SHANK2: variants seen among roughly 807,000 people sequenced by gnomAD.
The protein encoded by SHANK2 is SH3 and multiple ankyrin repeat domains protein 2.
In SHANK2, 43 loss-of-function variants were observed where a neutral mutation model predicts 133.7. The ratio of observed to expected loss-of-function variants is 0.32; its 90% CI spans 0.25 to 0.41. The LOEUF (loss-of-function observed/expected upper bound fraction) is 0.41, where lower values mean the gene tolerates loss of function less well. Ranked by LOEUF, SHANK2 falls within the 10% of genes least tolerant of loss-of-function variation. The pLI, the probability that SHANK2 is intolerant of heterozygous loss-of-function variation, is 1.00. For missense variants in SHANK2, 1,994 were observed against 2,235.8 expected, an observed-to-expected ratio of 0.89 and a Z score of 2.18; for synonymous variants, 1,017 against 952.8, an observed-to-expected ratio of 1.07 and a Z score of -1.24.
In SHANK2 at chr11:70,526,378, C is replaced by T. The variant is rs146283204; in HGVS notation, c.2062-23447G>A. Among the ~76,000 whole-genome samples, 9 of 152,358 alleles carry T rather than the reference C, an allele frequency of 5.9e-5. No homozygotes were observed. In the East Asian group the frequency reaches 1.7e-3, roughly 29 times the overall value. The stretch of plus-strand genomic sequence containing the variant: ...CAAGAGACCACTGGCCGTGGGCTGG[C>T]TCTCGCTGGGTCACAGAGGCTGCAC... On this transcript the variant is annotated intron_variant, in intron 17 of 25. Coordinates refer to ENST00000601538, the MANE Select transcript of SHANK2 (RefSeq NM_012309.5).
At chr11:71,190,703 G>A (rs1400081313) in intron 2 of SHANK2, among the ~76,000 whole-genome samples, 1 of 152,190 alleles carries the variant, frequency 6.6e-6, no homozygotes, top group East Asian at 1.9e-4. Flanking sequence ...ATGGGAACAA[G>A]GGCTGCACGC....
At chr11:70,636,291 GTA>G (rs576246754) in intron 17 of SHANK2, among the ~76,000 whole-genome samples, 162 of 152,328 alleles carry the variant, frequency 1.1e-3, no homozygotes, top group Middle Eastern at 3.4e-3. Context: ...ACATGTATGA[GTA>G]TGTGTGTGAG....
At position 71,185,012 on chromosome 11, in the gene SHANK2, G is replaced by A. The variant is rs1054602126; in HGVS notation, c.-12-37674C>T. On this transcript the variant is annotated intron_variant, in intron 2 of 25. Transcript: ENST00000601538. ...TGTGACTCCTGCCCACAGCTGTCCC[G>A]TCTGTACCCCGTGAGGGCAGGCCCA... Among the ~76,000 whole-genome samples the A allele has an allele frequency of 7.3e-4, 111 of 152,258 alleles. 1 individual carries two copies. The highest frequency in any genetic ancestry group is 6.8e-3 in the Middle Eastern group (2 of 294).
chr11:70,502,738 CCCA>C lies in SHANK2; in HGVS notation c.2197+55_2197+57del, dbSNP rs1245169926. 12 of 515,064 alleles carry C rather than the reference CCCA, an allele frequency of 2.3e-5. No homozygotes were observed. The African/African-American group carries it at 3.3e-4, about 14-fold the overall frequency. The allele number at this position is 515,064 out of a possible 1,614,324, so 31.9% of individuals were successfully genotyped here. ...CTGCCCCCCAGCTGTCCTGCCCGCC[CCCA>C]CCCCCCCCCCCCAGTAGGGCCCCAG... On this transcript the variant is annotated intron_variant, in intron 18 of 25. Coordinates refer to ENST00000601538, the MANE Select transcript of SHANK2 (RefSeq NM_012309.5).
At chr11:70,897,306 T>C (rs1240782684) in intron 10 of SHANK2, among the ~76,000 whole-genome samples, 2 of 152,172 alleles carry the variant, frequency 1.3e-5, no homozygotes, top group African/African-American at 4.8e-5. Flanking sequence ...GGGCAATACA[T>C]ATAACCCACA....
intron 15 of SHANK2, among the ~76,000 whole-genome samples, chr11:70,681,236 CT>C (rs1945023062): frequency 6.6e-6 from 1 of 152,214 alleles, no homozygotes; most frequent in South Asian, 2.1e-4. Context: ...TCCCTTTTCT[CT>C]TGGCAAAGTC....
rs1194050995 is a variant in SHANK2, at chr11:71,092,595, A to G, written c.745-6T>C. 8 of 1,542,996 alleles carry G rather than the reference A, an allele frequency of 5.2e-6. No homozygotes were observed. The African/African-American group carries it at 8.4e-5, about 16-fold the overall frequency. On this transcript the variant is annotated splice_polypyrimidine_tract_variant and splice_region_variant and intron_variant, in intron 7 of 25. Transcript: ENST00000601538. The stretch of plus-strand genomic sequence containing the variant: ...GCACCAAGCTCTAAAAGGGTCTAGG[A>G]AAAAAAAATTGAAAGCCGTCGTTAT...
chr11:71,128,625 A>G (rs1213259671), intron 3 of SHANK2, among the ~76,000 whole-genome samples: 5 of 152,144 alleles, frequency 3.3e-5, no homozygotes, highest in Admixed American at 6.5e-5. Flanking sequence ...AAAGCCCCTC[A>G]GCCACAAAAG....
chr11:71,116,130 C>T (rs148641799), intron 4 of SHANK2, among the ~76,000 whole-genome samples: 77 of 152,316 alleles, frequency 5.1e-4, no homozygotes, highest in African/African-American at 1.8e-3. Flanking sequence ...AACTGAGAAA[C>T]GTGCAGACGC....
chr11:71,110,823 C>T (rs1420492163), intron 5 of SHANK2, among the ~76,000 whole-genome samples: 1 of 152,322 alleles, frequency 6.6e-6, no homozygotes, highest in African/African-American at 2.4e-5. Flanking sequence ...ACGGACTTAA[C>T]GTGTGTGTCC....
At position 70,500,427 on chromosome 11, in the gene SHANK2, C is replaced by A; in HGVS notation, c.2308+143G>T. ...GACAGATGAATGTGCTCCAGGGCGG[C>A]AGGGCTCCTCGGGCAGGACCCAGCA... On this transcript the variant is annotated intron_variant, in intron 21 of 25. Coordinates refer to ENST00000601538, the MANE Select transcript of SHANK2 (RefSeq NM_012309.5). The surrounding 1 kb of genome is among the most constrained non-coding windows in gnomAD (Gnocchi z 4.5). 1 of 1,083,188 alleles carries A rather than the reference C, an allele frequency of 9.2e-7. No homozygotes were observed. The highest frequency in any genetic ancestry group is 1.4e-6 in the Non-Finnish European group (1 of 727,984). 67.1% of individuals were successfully genotyped at this position (1,083,188 alleles called of 1,614,324 possible).
chr11:70,481,898 T>C (rs2058737877), intron 25 of SHANK2, among the ~76,000 whole-genome samples: 1 of 152,254 alleles, frequency 6.6e-6, no homozygotes, highest in Non-Finnish European at 1.5e-5. Flanking sequence ...GATAGGTCTG[T>C]GGCTGAGAGG....
intron 11 of SHANK2, among the ~76,000 whole-genome samples, chr11:70,884,289 C>T (rs781816396): frequency 6.6e-6 from 1 of 152,180 alleles, no homozygotes; most frequent in East Asian, 1.9e-4. Flanking sequence ...ATGCGTGGAA[C>T]GGGCCCCTAG....
At chr11:70,580,243 C>T (rs780581525) in intron 17 of SHANK2, among the ~76,000 whole-genome samples, 4 of 152,050 alleles carry the variant, frequency 2.6e-5, no homozygotes, top group Non-Finnish European at 4.4e-5. Context: ...TAAACAGGGG[C>T]GTGGGGTGGC....
At chr11:71,112,788 A>G (rs1251354335) in intron 5 of SHANK2, among the ~76,000 whole-genome samples, 1 of 151,420 alleles carries the variant, frequency 6.6e-6, no homozygotes, top group Non-Finnish European at 1.5e-5. Context: ...CATGGTGTGG[A>G]TGTCTTATCT....
At chr11:70,582,345 G>A (rs1298264757) in intron 17 of SHANK2, among the ~76,000 whole-genome samples, 2 of 152,210 alleles carry the variant, frequency 1.3e-5, no homozygotes, top group African/African-American at 2.4e-5. Context: ...CGCCAGCCCC[G>A]GCCGGATCCA....
At chr11:70,736,581 G>A (rs1252056363) in intron 14 of SHANK2, among the ~76,000 whole-genome samples, 6 of 152,190 alleles carry the variant, frequency 3.9e-5, no homozygotes, top group East Asian at 3.9e-4. Flanking sequence ...GGAGGTGGAC[G>A]AGGCAGGAAG....
Position 70,720,749 on chromosome 11 carries a change from A to G in SHANK2, c.1778-21986T>C, listed in dbSNP as rs370239825. On this transcript the variant is annotated intron_variant, in intron 14 of 25. Coordinates refer to ENST00000601538, the MANE Select transcript of SHANK2 (RefSeq NM_012309.5). ...CACACGTGAACACGCATGTGAACATACACACACACATTCATGTAGCACACC... is the reference window on the plus strand; with the variant it reads ...CACACGTGAACACGCATGTGAACATGCACACACACATTCATGTAGCACACC... 6.0e-3 allele frequency among the ~76,000 whole-genome samples: 806 copies of G among 133,572 alleles called. 9 individuals are homozygous for G. Among genetic ancestry groups the G allele is most frequent in the Middle Eastern group, 0.022 (6 of 270 alleles). 87.6% of individuals were successfully genotyped at this position (133,572 alleles called of 152,430 possible). A position where few individuals can be genotyped will look rare whatever the true frequency, so the allele number is the denominator to read the frequency against.
rs572643108 is a variant in SHANK2 at position 70,763,195 on chromosome 11, G to A, written c.1777+35248C>T. Among the ~76,000 whole-genome samples, 4 of 152,232 alleles carry A rather than the reference G, an allele frequency of 2.6e-5. No individual in the cohort carries two copies. The East Asian group carries it at 5.8e-4, about 22-fold the overall frequency. Reference sequence around the variant, plus strand: ...GAAAACCAATCTGCCTTGGAGGGTGGGTCTAAGTTACAACAAATGCAACCC... The same window carrying A: ...GAAAACCAATCTGCCTTGGAGGGTGAGTCTAAGTTACAACAAATGCAACCC... On this transcript the variant is annotated intron_variant, in intron 14 of 25. Coordinates refer to ENST00000601538, the MANE Select transcript of SHANK2 (RefSeq NM_012309.5).
Sources: gnomAD v4.1 joint callset for allele counts (sites outside exome capture counted in the v4.1 genomes callset) on GRCh38, gnomAD v4.1.1 for gene constraint, Gnocchi (gnomAD v3.1) non-coding constraint, MANE v1.5 for transcripts, NCBI Gene and HGNC (gene_info 2026-07-23, HGNC 2026-07-21) for gene names.